The following MTM1 variants were observed in gnomAD, a reference collection of about 807,000 sequenced individuals.
MTM1 encodes the protein myotubularin 1.
MTM1 carries 9 observed loss-of-function variants against 52.1 expected under a neutral mutation model. That is an observed-to-expected ratio of 0.17 (90% confidence interval 0.10 to 0.30). MTM1 has a LOEUF of 0.30. Ranked by LOEUF, MTM1 falls within the 10% of genes least tolerant of loss-of-function variation. The pLI is 1.00. For missense variants in MTM1, 277 were observed against 470.7 expected (o/e 0.59, Z 3.81); for synonymous variants, 136 against 163.8 (o/e 0.83, Z 1.29).
At chrX:150,580,102 GCTTT>G (rs1260216372) in intron 1 of MTM1, among the ~76,000 whole-genome samples, 2 of 111,829 alleles carry the variant, frequency 1.8e-5, no homozygotes, top group Non-Finnish European at 3.8e-5. Context: ...AAGAAGAAAT[GCTTT>G]CTAAGTGTGA....
At chrX:150,617,287 G>T (rs1190645051) in intron 5 of MTM1, among the ~76,000 whole-genome samples, 1 of 112,217 alleles carries the variant, frequency 8.9e-6, no homozygotes, top group Non-Finnish European at 1.9e-5. Flanking sequence ...GTTACCATCT[G>T]ACTTGCGGCT....
chrX:150,639,838 G>T (rs1569565494), intron 7 of MTM1, among the ~76,000 whole-genome samples: 2 of 112,327 alleles, frequency 1.8e-5, no homozygotes, highest in African/African-American at 3.2e-5. Flanking sequence ...ATATGAAAAG[G>T]TAGTGAATAT....
At chrX:150,588,852 G>T (rs1202726475) in intron 1 of MTM1, among the ~76,000 whole-genome samples, 1 of 111,676 alleles carries the variant, frequency 9.0e-6, no homozygotes, top group African/African-American at 3.3e-5. Flanking sequence ...ATCAGCCAAG[G>T]CCTTGTCGTA....
chrX:150,618,053 A>G (rs1262453448), intron 5 of MTM1, among the ~76,000 whole-genome samples: 2 of 112,295 alleles, frequency 1.8e-5, no homozygotes, highest in African/African-American at 6.5e-5. Context: ...GTTTAAGACA[A>G]AGTTTTCCTG....
At chrX:150,626,751 T>G (rs1008675954) in intron 6 of MTM1, among the ~76,000 whole-genome samples, 3 of 112,171 alleles carry the variant, frequency 2.7e-5, no homozygotes, top group Non-Finnish European at 5.6e-5. Context: ...CAACTCATTT[T>G]CAGAGGGACA....
intron 4 of MTM1, among the ~76,000 whole-genome samples, chrX:150,614,316 A>G (rs953751919): frequency 8.9e-6 from 1 of 112,147 alleles, no homozygotes; most frequent in Admixed American, 9.4e-5. Context: ...TGGAAGTGAT[A>G]TCACGGACGT....
At position 150,619,108 on chromosome X, in the gene MTM1, C is replaced by A; in HGVS notation, c.413C>A (p.Thr138Lys). 1 of 1,208,352 alleles carries A rather than the reference C, an allele frequency of 8.3e-7. No homozygotes were observed. Among genetic ancestry groups the A allele is most frequent in the Non-Finnish European group, 1.1e-6 (1 of 892,734 alleles). ...AGAAGAGATATGTTTGAGATCCTCACGAGATACGCGTTTCCCCTGGCTCAC... is the reference window on the plus strand; with the variant it reads ...AGAAGAGATATGTTTGAGATCCTCAAGAGATACGCGTTTCCCCTGGCTCAC... ...HSRRDMFEIL[T>K]RYAFPLAHSL... Residue 138 changes from threonine (T) to lysine (K), a missense_variant, in exon 6 of 15, where the codon ACG becomes AAG. By Grantham distance (78) the Thr-to-Lys change is moderately conservative (BLOSUM62 -1). Around this residue, in one of 4 missense-constraint regions of MTM1, gnomAD observed 164 missense variants for 283.3 expected, o/e 0.58. Transcript: ENST00000370396.
intron 1 of MTM1, among the ~76,000 whole-genome samples, chrX:150,579,765 G>A (rs1235244181): frequency 7.2e-5 from 8 of 110,742 alleles, no homozygotes; most frequent in African/African-American, 2.6e-4. Flanking sequence ...GCCTCCCAAA[G>A]TGCTGAGATT....
intron 11 of MTM1, among the ~76,000 whole-genome samples, chrX:150,658,568 C>T (rs963575916): frequency 9.1e-6 from 1 of 110,219 alleles, no homozygotes; most frequent in African/African-American, 3.4e-5. Context: ...AAATTTCTCT[C>T]TCAATTAAAA....
chrX:150,651,234 T>C (rs782652146), intron 10 of MTM1, among the ~76,000 whole-genome samples: 1 of 100,462 alleles, frequency 1.0e-5, no homozygotes, highest in South Asian at 5.5e-4. Flanking sequence ...ATTGTAAAAG[T>C]GCTATAGAAA....
intron 4 of MTM1, among the ~76,000 whole-genome samples, chrX:150,608,359 T>C (rs1351137532): frequency 1.8e-5 from 2 of 110,825 alleles, no homozygotes; most frequent in Admixed American, 9.5e-5. Context: ...GCTAGGACTA[T>C]AGCTGCACAC....
In MTM1 at chrX:150,596,448, A is replaced by T. The variant is rs201279564; in HGVS notation, c.64-50A>T. 2.2e-3 allele frequency: 2,111 copies of T among 975,706 alleles called. 2 individuals carry two copies. The highest frequency in any genetic ancestry group is 2.7e-3 in the Non-Finnish European group (1,872 of 684,949). The allele number at this position is 975,706 out of a possible 1,213,427, so 80.4% of individuals were successfully genotyped here. A position where few individuals can be genotyped will look rare whatever the true frequency, so the allele number is the denominator to read the frequency against. On this transcript the variant is annotated intron_variant, in intron 2 of 14. Transcript: ENST00000370396. ...CTTGTATTCCTAGTTGCTTAAAAAC[A>T]GTGTGTAAATGTAACGTCATTACTT... is the stretch of plus-strand genomic sequence containing the variant.
chrX:150,603,284 CT>C (rs1311346640), intron 4 of MTM1, among the ~76,000 whole-genome samples: 2 of 111,503 alleles, frequency 1.8e-5, no homozygotes, highest in Non-Finnish European at 3.8e-5. Flanking sequence ...GAGGATGAGG[CT>C]GGAAGAAGAG....
intron 4 of MTM1, among the ~76,000 whole-genome samples, chrX:150,604,753 A>G (rs184415995): frequency 1.2e-4 from 13 of 110,340 alleles, no homozygotes; most frequent in East Asian, 1.1e-3. Flanking sequence ...CTTCTATTCT[A>G]TCTGCTCCCT....
upstream of MTM1, among the ~76,000 whole-genome samples, chrX:150,568,399 A>G (rs1189884959): frequency 8.8e-6 from 1 of 113,130 alleles, no homozygotes; most frequent in Non-Finnish European, 1.9e-5. Context: ...AGCTGCCTCC[A>G]TGCGTCGGAC....
At chrX:150,591,758 G>A (rs1010988964) in intron 1 of MTM1, among the ~76,000 whole-genome samples, 1 of 112,761 alleles carries the variant, frequency 8.9e-6, no homozygotes, top group Non-Finnish European at 1.9e-5. Flanking sequence ...TCCATTGCTG[G>A]ATTTTGTTAG....
At chrX:150,669,555 G>A (rs1474070093) in intron 14 of MTM1, among the ~76,000 whole-genome samples, 2 of 111,137 alleles carry the variant, frequency 1.8e-5, no homozygotes, top group African/African-American at 3.3e-5. Flanking sequence ...TTTAATAATC[G>A]CCATTCTGAC....
intron 4 of MTM1, among the ~76,000 whole-genome samples, chrX:150,606,274 C>T (rs1253124673): frequency 9.0e-6 from 1 of 110,969 alleles, no homozygotes; most frequent in Non-Finnish European, 1.9e-5. Flanking sequence ...AAAAACAAAA[C>T]AAAACAAAAC....
chrX:150,571,706 G>A (rs782264339), intron 1 of MTM1, among the ~76,000 whole-genome samples: 1 of 112,296 alleles, frequency 8.9e-6, no homozygotes, highest in Non-Finnish European at 1.9e-5. Context: ...TTGTTGGCAC[G>A]AGCTTTTGGT....
Sources: allele counts gnomAD v4.1 joint callset (sites outside exome capture counted in the v4.1 genomes callset), GRCh38; gene constraint gnomAD v4.1.1; regional missense constraint gnomAD v4.1.1; transcripts MANE v1.5; gene names NCBI Gene and HGNC (gene_info 2026-07-23, HGNC 2026-07-21).